Variants in FBXL13 observed in about 807,000 individuals in gnomAD.
The protein encoded by FBXL13 is F-box and leucine-rich repeat protein 13.
A neutral mutation model predicts 83.6 loss-of-function variants in FBXL13; 67 were observed. The ratio of observed to expected loss-of-function variants is 0.80; its 90% confidence interval spans 0.66 to 0.98. The LOEUF (loss-of-function observed/expected upper bound fraction) is 0.98. FBXL13 is among the 50% of genes least tolerant of loss of function. The probability of loss-of-function intolerance (pLI) is 0.00; values close to 1 mark genes in which losing one functional copy is unlikely to be tolerated. For synonymous variants in FBXL13, 272 were observed against 299.5 expected (o/e 0.91, Z 0.95); for missense variants, 822 against 866.5 (o/e 0.95, Z 0.64).
intron 3 of FBXL13, 46 bp downstream of exon 4, chr7:103,029,305 G>T: frequency 8.1e-7 from 1 of 1,231,352 alleles, no homozygotes; most frequent in Non-Finnish European, 1.1e-6. Flanking sequence ...AGAATATCAA[G>T]AATAAAAACT....
At chr7:102,870,836 A>C (rs769141173) in intron 16 of FBXL13, among the ~76,000 whole-genome samples, 1 of 152,144 alleles carries the variant, frequency 6.6e-6, no homozygotes, top group Non-Finnish European at 1.5e-5. Flanking sequence ...GTATTGCTTC[A>C]GCCCAGGAGG....
intron 10 of FBXL13, among the ~76,000 whole-genome samples, chr7:102,914,041 C>G (rs533479457): frequency 6.6e-6 from 1 of 152,310 alleles, no homozygotes; most frequent in South Asian, 2.1e-4. Context: ...ACTCCGTGGA[C>G]AATTTCCCAA....
intron 17 of FBXL13, among the ~76,000 whole-genome samples, chr7:102,845,749 A>G (rs1459842835): frequency 6.6e-6 from 1 of 152,110 alleles, no homozygotes; most frequent in African/African-American, 2.4e-5. Flanking sequence ...AACCTCTTAG[A>G]TTCCTACCTT....
At chr7:102,946,789 C>T (rs1822585738) in intron 8 of FBXL13, among the ~76,000 whole-genome samples, 3 of 152,064 alleles carry the variant, frequency 2.0e-5, no homozygotes, top group Admixed American at 1.3e-4. Context: ...ATTCTCCTGC[C>T]TCAGCCTCCC....
intron 8 of FBXL13, chr7:102,944,407 C>G: frequency 6.2e-7 from 1 of 1,613,906 alleles, no homozygotes; most frequent in Non-Finnish European, 8.5e-7. Flanking sequence ...TTTTAATGGC[C>G]TGGAATGCAA....
intron 10 of FBXL13, among the ~76,000 whole-genome samples, chr7:102,920,261 T>C (rs1169393983): frequency 6.6e-6 from 1 of 152,224 alleles, no homozygotes; most frequent in East Asian, 1.9e-4. Context: ...TACCTTCAGA[T>C]TATACAAGTA....
At chr7:103,062,994 C>T (rs541035285) in intron 1 of FBXL13, among the ~76,000 whole-genome samples, 3 of 152,328 alleles carry the variant, frequency 2.0e-5, no homozygotes, top group African/African-American at 7.2e-5. Flanking sequence ...AAAAGACTGG[C>T]TGGTGTCAAG....
At chr7:102,826,582 A>G (rs1475534259) in intron 18 of FBXL13, among the ~76,000 whole-genome samples, 6 of 150,798 alleles carry the variant, frequency 4.0e-5, no homozygotes, top group African/African-American at 1.5e-4. Context: ...CAAAAAATAC[A>G]AAAATTAGCT....
chr7:103,044,228 A>C (rs1484186924), intron 2 of FBXL13, among the ~76,000 whole-genome samples: 1 of 152,200 alleles, frequency 6.6e-6, no homozygotes, highest in Non-Finnish European at 1.5e-5. Flanking sequence ...TCCTTCAATA[A>C]ATAAGTCGCA....
chr7:102,852,454 T>A (rs1300051559), intron 17 of FBXL13, among the ~76,000 whole-genome samples: 2 of 151,700 alleles, frequency 1.3e-5, no homozygotes, highest in Non-Finnish European at 2.9e-5. Context: ...AGGACTAAGA[T>A]CCAAAATCTA....
intron 8 of FBXL13, among the ~76,000 whole-genome samples, chr7:102,936,784 A>C (rs1344697802): frequency 6.8e-6 from 1 of 146,732 alleles, no homozygotes; most frequent in Admixed American, 6.7e-5. Flanking sequence ...CATCTATACA[A>C]GATTTAAAAC....
intron 2 of FBXL13, among the ~76,000 whole-genome samples, chr7:103,036,618 T>C: frequency 6.6e-6 from 1 of 152,196 alleles, no homozygotes; most frequent in South Asian, 2.1e-4. Flanking sequence ...TTCAAGTGAT[T>C]CTTGTGCCTT....
At position 103,025,240 on chromosome 7, in the gene FBXL13, A is replaced by G. The variant is rs1384307461; in HGVS notation, c.328-10T>C. ...GTTCATGTTTTAATATCTGCAATGA[A>G]AATAATTTTAAAATTCCATGGAATT... On this transcript the variant is annotated splice_polypyrimidine_tract_variant and intron_variant, in intron 5 of 19. Transcript: ENST00000313221. 6.5e-7 allele frequency: 1 copy of G among 1,533,214 alleles called. No individual in the cohort carries two copies. The highest frequency in any genetic ancestry group is 8.9e-7 in the Non-Finnish European group (1 of 1,121,966). 95.0% of individuals were successfully genotyped at this position (1,533,214 alleles called of 1,614,324 possible).
chr7:102,894,076 A>C (rs1318698057), intron 11 of FBXL13, among the ~76,000 whole-genome samples: 4 of 152,218 alleles, frequency 2.6e-5, no homozygotes, highest in African/African-American at 9.6e-5. Flanking sequence ...TTGCTTATGC[A>C]ATCTCCATTC....
intron 6 of FBXL13, among the ~76,000 whole-genome samples, chr7:102,992,315 A>G (rs1829659282): frequency 6.6e-6 from 1 of 152,196 alleles, no homozygotes; most frequent in Admixed American, 6.5e-5. Context: ...ACATCTTGTT[A>G]CTGTCAACTT....
intron 17 of FBXL13, among the ~76,000 whole-genome samples, chr7:102,834,294 G>T (rs906381889): frequency 2.0e-5 from 3 of 149,200 alleles, no homozygotes; most frequent in Non-Finnish European, 4.5e-5. Context: ...CTCAGTAAAT[G>T]GTAGTTTACC....
At chr7:102,997,241 C>T (rs1259461880) in intron 6 of FBXL13, among the ~76,000 whole-genome samples, 1 of 152,104 alleles carries the variant, frequency 6.6e-6, no homozygotes, top group Non-Finnish European at 1.5e-5. Context: ...TAGATCTGCA[C>T]CATCTTTCTT....
intron 17 of FBXL13, among the ~76,000 whole-genome samples, chr7:102,853,779 A>G (rs1390250878): frequency 1.3e-5 from 2 of 152,262 alleles, no homozygotes; most frequent in Non-Finnish European, 2.9e-5. Flanking sequence ...AATGCTCATC[A>G]TCACTGGCCA....
intron 6 of FBXL13, among the ~76,000 whole-genome samples, chr7:102,989,812 A>C (rs1247950049): frequency 6.6e-6 from 1 of 152,180 alleles, no homozygotes; most frequent in African/African-American, 2.4e-5. Context: ...TGCCCTCTAA[A>C]ACCTCAAGAA....
Sources: allele counts gnomAD v4.1 joint callset (sites outside exome capture counted in the v4.1 genomes callset), GRCh38; gene constraint gnomAD v4.1.1; transcripts MANE v1.5; gene names NCBI Gene and HGNC (gene_info 2026-07-23, HGNC 2026-07-21).